OR3A2: variants seen among roughly 807,000 people sequenced by gnomAD.
The protein encoded by OR3A2 is olfactory receptor family 3 subfamily A member 2, also known as olfactory receptor 3A2.
For synonymous variants in OR3A2, 126 were observed against 159.3 expected (o/e 0.79, Z 1.57); for missense variants, 318 against 392.8 (o/e 0.81, Z 1.61).
intron 2 of OR3A2, among the ~76,000 whole-genome samples, chr17:3,350,432 G>C (rs879470892): frequency 1.0e-3 from 157 of 150,798 alleles, no homozygotes; most frequent in East Asian, 8.6e-3. Context: ...AGAAAATCTA[G>C]AAGAAATGGA....
chr17:3,327,815 T>A (rs1300536675), intron 3 of OR3A2, among the ~76,000 whole-genome samples: 9 of 140,280 alleles, frequency 6.4e-5, no homozygotes, highest in Admixed American at 1.4e-4. Flanking sequence ...AAATAGGGAA[T>A]CCTTTCCCCA....
At chr17:3,336,387 C>T (rs1422619955) in intron 2 of OR3A2, among the ~76,000 whole-genome samples, 1 of 151,842 alleles carries the variant, frequency 6.6e-6, no homozygotes, top group African/African-American at 2.4e-5. Flanking sequence ...GATGTGAATG[C>T]CAGGAAAACA....
At chr17:3,276,116 GA>G (rs1401659873), downstream of OR3A2, among the ~76,000 whole-genome samples, 125 of 118,586 alleles carry the variant, frequency 1.1e-3, 2 homozygotes, top group South Asian at 4.8e-3. Flanking sequence ...GAAAAAAAAA[GA>G]AAAAAAAAAG....
intron 3 of OR3A2, among the ~76,000 whole-genome samples, chr17:3,307,084 T>TGTCTGGGA (rs2049005762): frequency 6.6e-6 from 1 of 152,182 alleles, no homozygotes; most frequent in South Asian, 2.1e-4. Context: ...AACAACTTAG[T>TGTCTGGGA]GTCTGGGAGG....
intron 2 of OR3A2, among the ~76,000 whole-genome samples, chr17:3,366,101 A>T (rs2049560730): frequency 6.6e-6 from 1 of 152,228 alleles, no homozygotes; most frequent in Non-Finnish European, 1.5e-5. Flanking sequence ...TGGAAGGATT[A>T]TTCAACCATC....
Position 3,311,507 on chromosome 17 carries a change from C to T in OR3A2, c.-85+24526G>A, listed in dbSNP as rs1002135297. 10 of 433,712 alleles carry T rather than the reference C, an allele frequency of 2.3e-5. No individual in the cohort carries two copies. Among genetic ancestry groups the T allele is most frequent in the Non-Finnish European group, 4.7e-5 (10 of 213,212 alleles). The allele number at this position is 433,712 out of a possible 1,614,324, so 26.9% of individuals were successfully genotyped here. A position where few individuals can be genotyped will look rare whatever the true frequency, so the allele number is the denominator to read the frequency against. ...GTGTCTGCGCTTGACTTCTGTGGCC[C>T]TAATGTGGTCAACCACTTCTACTGT... On this transcript the variant is annotated intron_variant, in intron 3 of 4. Coordinates refer to the OR3A2 transcript ENST00000573491. The surrounding 1 kb of genome is among the most constrained non-coding windows in gnomAD (Gnocchi z 4.6).
exon 2 of OR3A2, chr17:3,278,318 C>T (rs745965817): frequency 5.0e-6 from 8 of 1,614,200 alleles, no homozygotes; most frequent in South Asian, 1.1e-5. Context: ...CAAAGAGCAG[C>T]AGCTCATTGA....
At chr17:3,319,005 C>T (rs1056093260) in intron 3 of OR3A2, among the ~76,000 whole-genome samples, 3 of 151,848 alleles carry the variant, frequency 2.0e-5, no homozygotes, top group African/African-American at 4.8e-5. Flanking sequence ...AAAACAACTC[C>T]CTCCATTTTC....
At chr17:3,346,613 A>G (rs2049365505) in intron 2 of OR3A2, among the ~76,000 whole-genome samples, 1 of 151,942 alleles carries the variant, frequency 6.6e-6, no homozygotes, top group Non-Finnish European at 1.5e-5. Flanking sequence ...CTGCTGTGCT[A>G]TCAAATACTA....
chr17:3,308,211 G>T (rs1350713068), intron 3 of OR3A2, among the ~76,000 whole-genome samples: 1 of 152,188 alleles, frequency 6.6e-6, no homozygotes, highest in Non-Finnish European at 1.5e-5. Context: ...CCCCTGGAAG[G>T]TGCTAATTTC....
intron 3 of OR3A2, among the ~76,000 whole-genome samples, chr17:3,315,466 G>C (rs569916001): frequency 3.9e-5 from 6 of 152,078 alleles, no homozygotes; most frequent in Non-Finnish European, 8.8e-5. Context: ...TCCTGGGTTT[G>C]TCGGCCACTT....
chr17:3,332,000 G>T (rs1162075122), intron 3 of OR3A2, among the ~76,000 whole-genome samples: 4 of 149,860 alleles, frequency 2.7e-5, no homozygotes, highest in Non-Finnish European at 5.9e-5. Flanking sequence ...TGCCCCTGCT[G>T]GGGGGTGCCT....
At chr17:3,276,258 C>G (rs1597312019), downstream of OR3A2, among the ~76,000 whole-genome samples, 2 of 151,976 alleles carry the variant, frequency 1.3e-5, no homozygotes, top group African/African-American at 4.8e-5. Flanking sequence ...ACAGATAAAG[C>G]AGGATGTTAG....
intron 2 of OR3A2, among the ~76,000 whole-genome samples, chr17:3,348,762 T>C (rs1396486332): frequency 6.6e-6 from 1 of 151,736 alleles, no homozygotes; most frequent in Non-Finnish European, 1.5e-5. Context: ...AGGAAAAAAA[T>C]GTTAAGGGCA....
intron 2 of OR3A2, among the ~76,000 whole-genome samples, chr17:3,358,277 T>A (rs763280871): frequency 1.3e-5 from 2 of 151,850 alleles, no homozygotes; most frequent in Non-Finnish European, 2.9e-5. Context: ...TGATTTCCCC[T>A]CAGTTCAGTT....
chr17:3,356,981 T>G (rs1296986835), intron 2 of OR3A2, among the ~76,000 whole-genome samples: 2 of 151,732 alleles, frequency 1.3e-5, no homozygotes, highest in Non-Finnish European at 2.9e-5. Context: ...ATCAAAGAAC[T>G]GGAAGCTTAT....
intron 2 of OR3A2, among the ~76,000 whole-genome samples, chr17:3,378,309 G>T (rs946479628): frequency 3.9e-5 from 6 of 152,368 alleles, no homozygotes; most frequent in African/African-American, 1.2e-4. Context: ...AGAGGCAGCA[G>T]GGGGCTGGCA....
chr17:3,381,956 CA>C (rs1255876464), intron 2 of OR3A2, among the ~76,000 whole-genome samples: 2 of 152,040 alleles, frequency 1.3e-5, no homozygotes, highest in African/African-American at 4.8e-5. Context: ...AAAACAAAAA[CA>C]AAACAAAAAA....
At chr17:3,292,358 C>A (rs770247541) in intron 3 of OR3A2, 1 of 1,614,094 alleles carries the variant, frequency 6.2e-7, no homozygotes, top group East Asian at 2.2e-5. Context: ...CGCTGATGCA[C>A]CCAACATCCA....
Sources: gnomAD v4.1 joint callset for allele counts (sites outside exome capture counted in the v4.1 genomes callset) on GRCh38, gnomAD v4.1.1 for gene constraint, Gnocchi (gnomAD v3.1) non-coding constraint, MANE v1.5 for transcripts, NCBI Gene and HGNC (gene_info 2026-07-23, HGNC 2026-07-21) for gene names.